The following TDRD10 variants were observed in gnomAD, a reference collection of about 807,000 sequenced individuals.
The protein encoded by TDRD10 is tudor domain containing 10.
A neutral mutation model predicts 48.0 loss-of-function variants in TDRD10; 40 were observed. The observed-to-expected ratio is 0.83, with a 90% confidence interval of 0.65 to 1.09. The LOEUF (loss-of-function observed/expected upper bound fraction) is 1.09, where lower values mean the gene tolerates loss of function less well. Ranked by LOEUF, TDRD10 falls within the 50% of genes least tolerant of loss-of-function variation. The pLI, the probability that TDRD10 is intolerant of heterozygous loss-of-function variation, is 0.00. For synonymous variants in TDRD10, 162 were observed against 170.4 expected (o/e 0.95, Z 0.38); for missense variants, 378 against 434.7 (o/e 0.87, Z 1.16).
Position 154,502,907 on chromosome 1 carries a change from G to T in TDRD10, c.-150G>T, listed in dbSNP as rs1390904438. 2.0e-5 allele frequency: 3 copies of T among 152,300 alleles called. No individual in the cohort carries two copies. Among genetic ancestry groups the T allele is most frequent in the Non-Finnish European group, 4.4e-5 (3 of 68,124 alleles). The allele number at this position is 152,300 out of a possible 1,614,324, so 9.4% of individuals were successfully genotyped here. On this transcript the variant is annotated 5_prime_UTR_variant, in exon 1 of 13. Coordinates refer to ENST00000368482, the MANE Select transcript of TDRD10 (RefSeq NM_182499.4). ...AGGCTCTTCCCGCCGTGGCCGCCGGGGATTGGCTGCCGGCAAGCCCCGCCC... is the reference window on the plus strand; with the variant it reads ...AGGCTCTTCCCGCCGTGGCCGCCGGTGATTGGCTGCCGGCAAGCCCCGCCC...
Position 154,547,923 on chromosome 1 carries a change from C to T in TDRD10, c.*213C>T. ...ATGTGTCTTCAGTTCCCCAACTTGG[C>T]ATGAACATTTGAACCAAACATAGGA... On this transcript the variant is annotated 3_prime_UTR_variant, in exon 13 of 13. Transcript: ENST00000368482. The T allele has an allele frequency of 6.5e-6, 4 of 613,472 alleles. No homozygotes were observed. The highest frequency in any genetic ancestry group is 6.0e-5 in the Admixed American group (2 of 33,082). The allele number at this position is 613,472 out of a possible 1,614,324, so 38.0% of individuals were successfully genotyped here. A position where few individuals can be genotyped will look rare whatever the true frequency, so the allele number is the denominator to read the frequency against.
At chr1:154,543,416 G>T (rs971788475) in intron 8 of TDRD10, among the ~76,000 whole-genome samples, 1 of 152,190 alleles carries the variant, frequency 6.6e-6, no homozygotes, top group Admixed American at 6.5e-5. Flanking sequence ...AGCGGATACC[G>T]TTCTTAATGT....
intron 11 of TDRD10, among the ~76,000 whole-genome samples, chr1:154,545,754 T>G (rs1371055746): frequency 6.7e-6 from 1 of 150,192 alleles, no homozygotes; most frequent in African/African-American, 2.4e-5. Flanking sequence ...TGGAAACGTT[T>G]TATAGACAAA....
intron 4 of TDRD10, among the ~76,000 whole-genome samples, chr1:154,519,342 A>G (rs1182862277): frequency 6.6e-6 from 1 of 152,246 alleles, no homozygotes; most frequent in African/African-American, 2.4e-5. Flanking sequence ...TATTTTCCTA[A>G]GCCAACAAAG....
In TDRD10 at chr1:154,522,650, A is replaced by G. The variant is rs180889302; in HGVS notation, c.369+1171A>G. Among the ~76,000 whole-genome samples the G allele has an allele frequency of 1.7e-3, 261 of 150,996 alleles. 1 individual carries two copies. The highest frequency in any genetic ancestry group is 3.0e-3 in the Non-Finnish European group (205 of 67,726). On this transcript the variant is annotated intron_variant, in intron 6 of 12. Transcript: ENST00000368482. ...GCAAGACCCCATCTCTATAAACAGG[A>G]AAAAAAAAGATTGTCAGAGGTGACT...
intron 6 of TDRD10, among the ~76,000 whole-genome samples, chr1:154,532,970 ACC>A (rs148569584): frequency 1.3e-5 from 2 of 150,816 alleles, no homozygotes; most frequent in South Asian, 2.1e-4. Flanking sequence ...CACTTCTGAC[ACC>A]CCCCCCAGTA....
intron 6 of TDRD10, among the ~76,000 whole-genome samples, chr1:154,530,521 C>T (rs1694561487): frequency 6.6e-6 from 1 of 151,594 alleles, no homozygotes; most frequent in Non-Finnish European, 1.5e-5. Flanking sequence ...TCACCTGCCT[C>T]AGCCTCCCAC....
chr1:154,509,769 G>C, intron 4 of TDRD10: 2 of 984,048 alleles, frequency 2.0e-6, no homozygotes, highest in Non-Finnish European at 2.4e-6. Flanking sequence ...GCCTACTAGG[G>C]CTGGTTTTCC....
chr1:154,507,960 G>A (rs1693242642), intron 3 of TDRD10, among the ~76,000 whole-genome samples: 1 of 152,158 alleles, frequency 6.6e-6, no homozygotes. Context: ...AACTCGGGAA[G>A]CACAACCCCG....
chr1:154,526,289 G>T (rs1439946091), intron 6 of TDRD10, among the ~76,000 whole-genome samples: 1 of 151,740 alleles, frequency 6.6e-6, no homozygotes, highest in African/African-American at 2.4e-5. Flanking sequence ...GGCTGAGGTG[G>T]TAGGATCACT....
intron 6 of TDRD10, among the ~76,000 whole-genome samples, chr1:154,541,114 T>G (rs1310651807): frequency 1.3e-5 from 2 of 152,094 alleles, no homozygotes; most frequent in African/African-American, 4.8e-5. Flanking sequence ...GTGAGGTCAG[T>G]CAGAGTCTTT....
At position 154,544,841 on chromosome 1, in the gene TDRD10, A is replaced by G; in HGVS notation, c.844A>G (p.Ile282Val). Residue 282 changes from isoleucine (I) to valine (V), a missense_variant, in exon 11 of 13, where the codon ATT (isoleucine) becomes GTT (valine). Ile to Val is a conservative substitution (Grantham distance 29, BLOSUM62 3). Coordinates refer to ENST00000368482, the MANE Select transcript of TDRD10 (RefSeq NM_182499.4). ...RVDTWAVVMF[I>V]DFGQLATIPV... Reference sequence around the variant, plus strand: ...GGACACCTGGGCTGTGGTCATGTTCATTGATTTTGGACAGTTGGCCACCAT... The same window carrying G: ...GGACACCTGGGCTGTGGTCATGTTCGTTGATTTTGGACAGTTGGCCACCAT... 2 of 1,614,104 alleles carry G rather than the reference A, an allele frequency of 1.2e-6. No homozygotes were observed. Among genetic ancestry groups the G allele is most frequent in the South Asian group, 1.1e-5 (1 of 91,086 alleles).
At chr1:154,515,969 G>T (rs765586355) in intron 4 of TDRD10, among the ~76,000 whole-genome samples, 1 of 152,012 alleles carries the variant, frequency 6.6e-6, no homozygotes, top group East Asian at 1.9e-4. Flanking sequence ...TGCCTGCCTC[G>T]GCCTCCAGAA....
intron 4 of TDRD10, among the ~76,000 whole-genome samples, chr1:154,512,429 C>G (rs1693537609): frequency 6.6e-6 from 1 of 152,146 alleles, no homozygotes; most frequent in Non-Finnish European, 1.5e-5. Context: ...ACTGCAACCT[C>G]CATCTCCCAG....
At position 154,544,822 on chromosome 1, in the gene TDRD10, C is replaced by T. The variant is rs764271763; in HGVS notation, c.825C>T (p.Thr275=). 6.2e-7 allele frequency: 1 copy of T among 1,614,202 alleles called. No homozygotes were observed. Among genetic ancestry groups the T allele is most frequent in the Non-Finnish European group, 8.5e-7 (1 of 1,180,034 alleles). The change falls in exon 11 of 13, where the codon ACC becomes ACT. Residue 275 remains threonine (T), a synonymous_variant. Transcript: ENST00000368482. ...GTTGGGTGCTGGACAGGGTGGACAC[C>T]TGGGCTGTGGTCATGTTCATTGATT... ...NRCWVLDRVD[T]WAVVMFIDFG...
intron 6 of TDRD10, among the ~76,000 whole-genome samples, chr1:154,525,208 G>A (rs1694247444): frequency 6.6e-6 from 1 of 152,184 alleles, no homozygotes; most frequent in Non-Finnish European, 1.5e-5. Context: ...TGAGAGTTAA[G>A]TTGTGTCATG....
chr1:154,508,516 T>A, intron 4 of TDRD10, 35 bp downstream of exon 4: 3 of 1,442,912 alleles, frequency 2.1e-6, no homozygotes, highest in Non-Finnish European at 2.9e-6. Context: ...CTTATCTTCC[T>A]TGGCCTTCCC....
At chr1:154,540,378 G>C (rs1248131611) in intron 6 of TDRD10, among the ~76,000 whole-genome samples, 2 of 151,942 alleles carry the variant, frequency 1.3e-5, no homozygotes, top group African/African-American at 2.4e-5. Context: ...TCTGTAGGTA[G>C]TGATGCGGTA....
intron 6 of TDRD10, among the ~76,000 whole-genome samples, chr1:154,523,735 A>T (rs1027986152): frequency 6.6e-6 from 1 of 152,162 alleles, no homozygotes; most frequent in African/African-American, 2.4e-5. Flanking sequence ...AGCTTGCAGA[A>T]CACTAATCCT....
Sources: allele counts gnomAD v4.1 joint callset (sites outside exome capture counted in the v4.1 genomes callset), GRCh38; gene constraint gnomAD v4.1.1; transcripts MANE v1.5; gene names NCBI Gene and HGNC (gene_info 2026-07-23, HGNC 2026-07-21).